MICU2: variants seen among roughly 807,000 people sequenced by gnomAD.
MICU2 encodes calcium uptake protein 2, mitochondrial.
A neutral mutation model predicts 60.4 loss-of-function variants in MICU2; 64 were observed. That is an observed-to-expected ratio of 1.06 (90% CI 0.87 to 1.31). The LOEUF (loss-of-function observed/expected upper bound fraction) is 1.31. Among genes scored for constraint, MICU2 ranks in the 50% most tolerant of loss-of-function variants. The pLI, the probability that MICU2 is intolerant of heterozygous loss-of-function variation, is 0.00. For missense variants in MICU2, 569 were observed against 531.0 expected (o/e 1.07, Z -0.70); for synonymous variants, 201 against 175.0 (o/e 1.15, Z -1.17).
intron 2 of MICU2, among the ~76,000 whole-genome samples, chr13:21,563,130 T>C (rs1887888289): frequency 6.6e-6 from 1 of 152,182 alleles, no homozygotes; most frequent in Non-Finnish European, 1.5e-5. Context: ...CTTTGGCTTC[T>C]TTCAAGATTT....
chr13:21,547,390 A>C (rs940491785), intron 2 of MICU2, among the ~76,000 whole-genome samples: 1 of 152,168 alleles, frequency 6.6e-6, no homozygotes, highest in Admixed American at 6.5e-5. Context: ...TCCATTCTTC[A>C]CATATCCTCT....
intron 4 of MICU2, among the ~76,000 whole-genome samples, chr13:21,527,042 GCTTC>G (rs1398446155): frequency 6.6e-6 from 1 of 152,106 alleles, no homozygotes; most frequent in Non-Finnish European, 1.5e-5. Flanking sequence ...GTTTTCAATG[GCTTC>G]CTTTTTTTGA....
At chr13:21,515,987 T>G (rs1298067199) in intron 6 of MICU2, among the ~76,000 whole-genome samples, 1 of 152,206 alleles carries the variant, frequency 6.6e-6, no homozygotes, top group Admixed American at 6.5e-5. Flanking sequence ...ACAGAAAATT[T>G]CAAACTTAAG....
chr13:21,571,808 T>C (rs1888117865), intron 1 of MICU2, among the ~76,000 whole-genome samples: 1 of 152,198 alleles, frequency 6.6e-6, no homozygotes, highest in African/African-American at 2.4e-5. Flanking sequence ...CAAGCTCCAC[T>C]AAAGGTGGCT....
chr13:21,601,017 C>T (rs1376599511), intron 1 of MICU2, among the ~76,000 whole-genome samples: 3 of 152,136 alleles, frequency 2.0e-5, no homozygotes, highest in African/African-American at 7.2e-5. Context: ...AGGATGGTCT[C>T]GATCTCCTGA....
At chr13:21,593,053 A>T (rs1888617086) in intron 1 of MICU2, among the ~76,000 whole-genome samples, 1 of 152,192 alleles carries the variant, frequency 6.6e-6, no homozygotes, top group Non-Finnish European at 1.5e-5. Context: ...AGGGTATTCG[A>T]ATAGGAAGAC....
intron 2 of MICU2, among the ~76,000 whole-genome samples, chr13:21,558,380 A>T (rs997316073): frequency 6.6e-6 from 1 of 152,104 alleles, no homozygotes; most frequent in East Asian, 1.9e-4. Context: ...ATTTGTAATG[A>T]CCCCAGGAGG....
At chr13:21,569,465 AT>A (rs1438083639) in intron 1 of MICU2, among the ~76,000 whole-genome samples, 5 of 152,008 alleles carry the variant, frequency 3.3e-5, no homozygotes, top group African/African-American at 1.2e-4. Context: ...TAATCCTACC[AT>A]TTTCCTTAGG....
At chr13:21,509,723 C>T (rs7322550) in intron 8 of MICU2, among the ~76,000 whole-genome samples, 2,381 of 152,248 alleles carry the variant, frequency 0.016, 59 homozygotes, top group African/African-American at 0.055. Context: ...TGACGCTAGG[C>T]GCATGGTTCT....
chr13:21,603,825 G>C, intron 1 of MICU2, 114 bp downstream of exon 1: 2 of 1,187,208 alleles, frequency 1.7e-6, no homozygotes, highest in Non-Finnish European at 2.3e-6. Flanking sequence ...ATCCGCAGCG[G>C]CACCTCCACC....
chr13:21,600,812 T>TATTA (rs397764307), intron 1 of MICU2, among the ~76,000 whole-genome samples: 1 of 152,070 alleles, frequency 6.6e-6, no homozygotes, highest in African/African-American at 2.4e-5. Flanking sequence ...TTATTATTAT[T>TATTA]TTGAGACGGA....
At chr13:21,561,315 T>G (rs1428344563) in intron 2 of MICU2, among the ~76,000 whole-genome samples, 1 of 152,210 alleles carries the variant, frequency 6.6e-6, no homozygotes, top group Non-Finnish European at 1.5e-5. Flanking sequence ...ATCCAGTTAC[T>G]TGGTGGTGCT....
In MICU2 at chr13:21,514,380, T is replaced by A. The variant is rs1368408274; in HGVS notation, c.636A>T (p.Thr212=). ...GATATCCAGTTTCATTAGTTTTCAC[T>A]GTCATCAAGTCATCTTGTTTACTTA... ...KIISKQDDLM[T]VKTNETGYQE... The change falls in exon 7 of 12, where the codon ACA becomes ACT. Residue 212 remains threonine (T), a synonymous_variant. Transcript: ENST00000382374. 1 of 1,613,452 alleles carries A rather than the reference T, an allele frequency of 6.2e-7. No homozygotes were observed. Among genetic ancestry groups the A allele is most frequent in the Non-Finnish European group, 8.5e-7 (1 of 1,179,724 alleles).
At chr13:21,525,181 A>AT (rs71093324) in intron 4 of MICU2, among the ~76,000 whole-genome samples, 13,238 of 83,060 alleles carry the variant, frequency 0.16, 3,474 homozygotes, top group East Asian at 0.49. Flanking sequence ...GTGTAATTCA[A>AT]TTTTTTTTTT....
intron 4 of MICU2, chr13:21,530,762 T>A: frequency 1.7e-6 from 1 of 595,880 alleles, no homozygotes; most frequent in Non-Finnish European, 3.0e-6. Flanking sequence ...ACCCCAGCCA[T>A]ACCCACCACC....
chr13:21,558,673 G>A (rs1231953518), intron 2 of MICU2, among the ~76,000 whole-genome samples: 1 of 152,168 alleles, frequency 6.6e-6, no homozygotes, highest in East Asian at 1.9e-4. Context: ...GGGGTTGGGA[G>A]TGGGACCAGT....
At chr13:21,593,571 C>CAAAAAAAAAAAAAAAAA (rs71093338) in intron 1 of MICU2, among the ~76,000 whole-genome samples, 2 of 63,028 alleles carry the variant, frequency 3.2e-5, no homozygotes, top group African/African-American at 6.7e-5. Context: ...CAATCCTAAG[C>CAAAAAAAAAAAAAAAAA]AAAAAAAAAA....
intron 2 of MICU2, among the ~76,000 whole-genome samples, chr13:21,546,426 G>A (rs1887420868): frequency 6.6e-6 from 1 of 152,144 alleles, no homozygotes. Flanking sequence ...TAACATGGGG[G>A]AGGGAGAGGT....
chr13:21,591,657 C>T (rs546063062), intron 1 of MICU2, among the ~76,000 whole-genome samples: 1 of 152,220 alleles, frequency 6.6e-6, no homozygotes, highest in South Asian at 2.1e-4. Context: ...TGCAAAAGAA[C>T]TGAAATCACA....
Sources: gnomAD v4.1 joint callset for allele counts (sites outside exome capture counted in the v4.1 genomes callset) on GRCh38, gnomAD v4.1.1 for gene constraint, MANE v1.5 for transcripts, NCBI Gene and HGNC (gene_info 2026-07-23, HGNC 2026-07-21) for gene names.